Variants in CPS1 observed in about 807,000 individuals in gnomAD.
CPS1 encodes the protein carbamoyl-phosphate synthase 1.
A neutral mutation model predicts 174.6 loss-of-function variants in CPS1; 109 were observed. That is an observed-to-expected ratio of 0.62 (90% CI 0.53 to 0.73). The LOEUF (loss-of-function observed/expected upper bound fraction) is 0.73, where lower values mean the gene tolerates loss of function less well. Among genes scored for constraint, CPS1 ranks in the 30% least tolerant of loss-of-function variants. CPS1 has a pLI of 0.00. For missense variants in CPS1, 1,689 were observed against 1,821.9 expected, an observed-to-expected ratio of 0.93 and a Z score of 1.33; for synonymous variants, 637 against 632.0, an observed-to-expected ratio of 1.01 and a Z score of -0.12.
rs538718806 is a variant in CPS1, at chr2:210,661,479, T to A, written c.3927+824T>A. ...TGTTTTCAAAAGGTTTCCGTTCCTA[T>A]ATGTACTAGTGACTTCAACCATAAT... On this transcript the variant is annotated intron_variant, in intron 32 of 37. Transcript: ENST00000233072. Among the ~76,000 whole-genome samples the A allele has an allele frequency of 1.1e-4, 16 of 152,358 alleles. No individual in the cohort carries two copies. In the South Asian group the frequency reaches 3.1e-3, roughly 30 times the overall value.
chr2:210,619,605 G>A (rs1699435899), intron 21 of CPS1: 1 of 151,846 alleles, frequency 6.6e-6, no homozygotes, highest in African/African-American at 2.4e-5. Flanking sequence ...TTTCCTTTAT[G>A]ATGCATCACT....
chr2:210,674,948 A>G lies in CPS1; in HGVS notation c.4148A>G (p.Asn1383Ser), dbSNP rs370790473. The G allele has an allele frequency of 7.4e-6, 12 of 1,613,236 alleles. No homozygotes were observed. The highest frequency in any genetic ancestry group is 1.3e-5 in the African/African-American group (1 of 75,034). ...CTTGGTGTGGCTGAACAATTACACA[A>G]TGAAGGTTTCAAGGTATGTTCATTA... ...RFLGVAEQLH[N>S]EGFKLFATEA... The change falls in exon 35 of 38, where the codon AAT becomes AGT. Residue 1383 changes from asparagine to serine, a missense_variant. Physicochemically the swap from Asn to Ser is conservative, Grantham distance 46 (BLOSUM62 1). Transcript: ENST00000233072.
In CPS1 at chr2:210,660,411, G is replaced by C; in HGVS notation, c.3757-74G>C. On this transcript the variant is annotated intron_variant, in intron 31 of 37. Coordinates refer to ENST00000233072, the MANE Select transcript of CPS1 (RefSeq NM_001875.5). ...CAGTTAATAACAGCTGGAAACCAGTGGTAGAGAGAATATTAATATTGTTGT... is the reference window on the plus strand; with the variant it reads ...CAGTTAATAACAGCTGGAAACCAGTCGTAGAGAGAATATTAATATTGTTGT... The C allele has an allele frequency of 3.5e-6, 5 of 1,428,272 alleles. No homozygotes were observed. The South Asian group carries it at 4.6e-5, about 13-fold the overall frequency. 88.5% of individuals were successfully genotyped at this position (1,428,272 alleles called of 1,614,324 possible).
intron 9 of CPS1, among the ~76,000 whole-genome samples, chr2:210,591,205 T>A (rs1698285185): frequency 6.6e-6 from 1 of 152,016 alleles, no homozygotes; most frequent in South Asian, 2.1e-4. Context: ...TTATTTTCCT[T>A]CCCTTGGCAT....
chr2:210,576,563 A>T, intron 3 of CPS1, 73 bp downstream of exon 3: 1 of 1,552,516 alleles, frequency 6.4e-7, no homozygotes, highest in Non-Finnish European at 8.9e-7. Context: ...AAGAATTAGG[A>T]TGGCCAAACT....
chr2:210,586,959 A>G (rs1329125300), intron 6 of CPS1, among the ~76,000 whole-genome samples: 2 of 152,068 alleles, frequency 1.3e-5, no homozygotes, highest in South Asian at 2.1e-4. Context: ...ATTTTACATC[A>G]GAAGCCTAAG....
At chr2:210,497,580 T>C (rs1475724180) in intron 1 of CPS1, among the ~76,000 whole-genome samples, 1 of 152,062 alleles carries the variant, frequency 6.6e-6, no homozygotes, top group Non-Finnish European at 1.5e-5. Context: ...GTTTCTATTG[T>C]TGCCATTTTT....
At chr2:210,502,094 T>G (rs1307328323) in intron 1 of CPS1, among the ~76,000 whole-genome samples, 2 of 151,878 alleles carry the variant, frequency 1.3e-5, no homozygotes, top group Admixed American at 1.3e-4. Flanking sequence ...TCAGATCTTG[T>G]GAGAACCCAC....
chr2:210,504,733 A>C (rs1433177411), intron 1 of CPS1, among the ~76,000 whole-genome samples: 1 of 152,218 alleles, frequency 6.6e-6, no homozygotes, highest in African/African-American at 2.4e-5. Context: ...TATAAGATTC[A>C]ACAGATGCTC....
chr2:210,574,186 A>G (rs1206267971), intron 2 of CPS1, among the ~76,000 whole-genome samples: 1 of 151,994 alleles, frequency 6.6e-6, no homozygotes, highest in Non-Finnish European at 1.5e-5. Flanking sequence ...TTCATATAAA[A>G]AGTGAGGGGG....
chr2:210,589,600 A>C (rs1698218184), intron 7 of CPS1, among the ~76,000 whole-genome samples: 1 of 152,042 alleles, frequency 6.6e-6, no homozygotes, highest in Non-Finnish European at 1.5e-5. Flanking sequence ...ACTTCTCTTG[A>C]GTGCAGGAGA....
At chr2:210,559,964 A>T (rs547948194) in intron 1 of CPS1, among the ~76,000 whole-genome samples, 1 of 152,266 alleles carries the variant, frequency 6.6e-6, no homozygotes, top group African/African-American at 2.4e-5. Flanking sequence ...TAGTAGAAGG[A>T]CTTAGTAGAG....
At chr2:210,591,715 C>T in intron 9 of CPS1, 116 bp from the exon 10 acceptor site, 1 of 1,083,032 alleles carries the variant, frequency 9.2e-7, no homozygotes, top group Non-Finnish European at 1.3e-6. Flanking sequence ...TTTCACTAAG[C>T]AATTGAAATT....
chr2:210,506,624 C>G (rs1334580438), intron 1 of CPS1, among the ~76,000 whole-genome samples: 1 of 152,044 alleles, frequency 6.6e-6, no homozygotes, highest in Non-Finnish European at 1.5e-5. Context: ...AGTTAAAAAC[C>G]TTGAAAAAAG....
intron 36 of CPS1, 26 bp from the exon 37 acceptor site, chr2:210,676,981 C>G: frequency 6.2e-7 from 1 of 1,608,988 alleles, no homozygotes; most frequent in Non-Finnish European, 8.5e-7. Context: ...GCCTTGTTGT[C>G]TATAAGTTTT....
rs775687012 is a variant in CPS1, at chr2:210,658,719, C to T, written c.3756+31C>T. The T allele has an allele frequency of 2.2e-5, 33 of 1,481,846 alleles. 1 individual carries two copies. In the South Asian group the frequency reaches 3.7e-4, roughly 17 times the overall value. The allele number at this position is 1,481,846 out of a possible 1,614,324, so 91.8% of individuals were successfully genotyped here. ...AAATGCCAAGGTGCCTGAGAGGACA[C>T]CACCACTGTGTTACGTCATGTTGGT... On this transcript the variant is annotated intron_variant, in intron 31 of 37. Coordinates refer to ENST00000233072, the MANE Select transcript of CPS1 (RefSeq NM_001875.5).
intron 33 of CPS1, among the ~76,000 whole-genome samples, chr2:210,665,316 C>CT (rs1405786975): frequency 6.7e-6 from 1 of 148,586 alleles, no homozygotes; most frequent in East Asian, 2.0e-4. Flanking sequence ...TTTTTTTTTT[C>CT]TTTTTTTTCT....
At chr2:210,575,539 C>CAT (rs2106077768) in intron 2 of CPS1, among the ~76,000 whole-genome samples, 1 of 149,196 alleles carries the variant, frequency 6.7e-6, no homozygotes, top group South Asian at 2.1e-4. Flanking sequence ...CACACACACA[C>CAT]ACACGATATA....
intron 2 of CPS1, among the ~76,000 whole-genome samples, chr2:210,574,868 A>T (rs1697633517): frequency 1.1e-5 from 1 of 93,840 alleles, no homozygotes; most frequent in Non-Finnish European, 2.1e-5. Context: ...AAATCAAATT[A>T]ATTAAAGTTT....
Sources: allele counts gnomAD v4.1 joint callset (sites outside exome capture counted in the v4.1 genomes callset), GRCh38; gene constraint gnomAD v4.1.1; transcripts MANE v1.5; gene names NCBI Gene and HGNC (gene_info 2026-07-23, HGNC 2026-07-21).